The following PSMA1 variants were observed in gnomAD, a reference collection of about 807,000 sequenced individuals.
PSMA1 encodes proteasome subunit alpha type-1.
A neutral mutation model predicts 38.4 loss-of-function variants in PSMA1; 3 were observed. That is an observed-to-expected ratio of 0.08 (90% CI 0.04 to 0.20). PSMA1 has a LOEUF of 0.20. PSMA1 is among the 10% of genes least tolerant of loss of function. The pLI, the probability that PSMA1 is intolerant of heterozygous loss-of-function variation, is 1.00. For synonymous variants in PSMA1, 101 were observed against 107.1 expected, an observed-to-expected ratio of 0.94 and a Z score of 0.35; for missense variants, 227 against 325.3, an observed-to-expected ratio of 0.70 and a Z score of 2.32.
chr11:14,552,258 A>G (rs565436433), intron 2 of PSMA1, among the ~76,000 whole-genome samples: 1 of 152,328 alleles, frequency 6.6e-6, no homozygotes, highest in Admixed American at 6.5e-5. Context: ...CACAAAAGCC[A>G]CAGTCTCTAC....
chr11:14,543,009 C>T lies in PSMA1; in HGVS notation c.22-23968G>A, dbSNP rs1174483634. 2.6e-5 allele frequency among the ~76,000 whole-genome samples: 4 copies of T among 152,236 alleles called. No homozygotes were observed. The South Asian group carries it at 8.3e-4, about 32-fold the overall frequency. ...TAGCTGGGATTATAGGTGCCCGCCA[C>T]CACACCCAGCTAATTTTCACCCTGT... On this transcript the variant is annotated intron_variant, in intron 2 of 10. Transcript: ENST00000418988.
At chr11:14,520,513 A>G (rs1218088640), upstream of PSMA1, 16 of 1,425,408 alleles carry the variant, frequency 1.1e-5, no homozygotes, top group Non-Finnish European at 1.3e-5. Context: ...GAGCCTCGGA[A>G]GATCTAGGAA....
At position 14,567,811 on chromosome 11, in the gene PSMA1, T is replaced by C. The variant is rs150947236; in HGVS notation, c.21+43155A>G. 2.0e-5 allele frequency among the ~76,000 whole-genome samples: 3 copies of C among 152,328 alleles called. No individual in the cohort carries two copies. In the East Asian group the frequency reaches 5.8e-4, roughly 29 times the overall value. On this transcript the variant is annotated intron_variant, in intron 2 of 10. Transcript: ENST00000418988. Reference sequence around the variant, plus strand: ...TTTTTGGTGATTTTGCTCTTTACAATGATTCCTAATAATAGCGTTGCAGTG... The same window carrying C: ...TTTTTGGTGATTTTGCTCTTTACAACGATTCCTAATAATAGCGTTGCAGTG...
intron 2 of PSMA1, among the ~76,000 whole-genome samples, chr11:14,591,885 A>G (rs548614434): frequency 6.6e-6 from 1 of 152,176 alleles, no homozygotes; most frequent in South Asian, 2.1e-4. Flanking sequence ...CACACTGTGG[A>G]AGGTTTGTTC....
chr11:14,572,500 G>A (rs958919810), intron 2 of PSMA1, among the ~76,000 whole-genome samples: 3 of 152,182 alleles, frequency 2.0e-5, no homozygotes, highest in African/African-American at 7.2e-5. Flanking sequence ...GAAACTCTGG[G>A]ACACATTTAA....
intron 2 of PSMA1, among the ~76,000 whole-genome samples, chr11:14,527,039 G>A (rs1301753983): frequency 6.6e-6 from 1 of 152,088 alleles, no homozygotes; most frequent in African/African-American, 2.4e-5. Flanking sequence ...TCACCACGCT[G>A]TTATATGGGC....
At chr11:14,627,544 C>G (rs545333200) in intron 1 of PSMA1, among the ~76,000 whole-genome samples, 2 of 152,296 alleles carry the variant, frequency 1.3e-5, no homozygotes, top group African/African-American at 4.8e-5. Flanking sequence ...GGTTCAAATC[C>G]TGGCTCCACC....
chr11:14,584,013 C>T (rs756183956), intron 2 of PSMA1, among the ~76,000 whole-genome samples: 1 of 152,208 alleles, frequency 6.6e-6, no homozygotes, highest in Non-Finnish European at 1.5e-5. Context: ...GTCACAGCCC[C>T]CTGGACACAG....
chr11:14,612,844 T>C lies in PSMA1; in HGVS notation c.-165-1693A>G, dbSNP rs553342669. 2.8e-4 allele frequency among the ~76,000 whole-genome samples: 42 copies of C among 152,140 alleles called. No homozygotes were observed. In the South Asian group the frequency reaches 6.2e-3, roughly 23 times the overall value. On this transcript the variant is annotated intron_variant, in intron 1 of 10. Transcript: ENST00000418988. ...TTGAGGTCCAGTCCTCTTTAGACCATGTGCCTATACTTCCTTCCTTAGAAA... is the reference window on the plus strand; with the variant it reads ...TTGAGGTCCAGTCCTCTTTAGACCACGTGCCTATACTTCCTTCCTTAGAAA...
At chr11:14,537,543 AG>A (rs923236402) in intron 2 of PSMA1, among the ~76,000 whole-genome samples, 3 of 148,180 alleles carry the variant, frequency 2.0e-5, no homozygotes, top group African/African-American at 7.4e-5. Context: ...ACTTCCCTGC[AG>A]GGTTTTTTTT....
intron 1 of PSMA1, 87 bp from the exon 2 acceptor site, chr11:14,519,128 T>C: frequency 5.4e-6 from 6 of 1,113,114 alleles, no homozygotes; most frequent in Non-Finnish European, 8.1e-6. Context: ...TGCTTGTATT[T>C]CCATTCAATG....
chr11:14,617,804 G>C (rs184094205), intron 1 of PSMA1, among the ~76,000 whole-genome samples: 1 of 152,000 alleles, frequency 6.6e-6, no homozygotes, highest in East Asian at 1.9e-4. Flanking sequence ...TACTGAAACT[G>C]GAATCAGGAG....
chr11:14,543,914 C>G (rs1208608360), intron 2 of PSMA1, among the ~76,000 whole-genome samples: 1 of 152,206 alleles, frequency 6.6e-6, no homozygotes, highest in Non-Finnish European at 1.5e-5. Context: ...TTAAAGTGTT[C>G]TTATGCCAAA....
At chr11:14,547,922 G>A (rs1437725648) in intron 2 of PSMA1, among the ~76,000 whole-genome samples, 1 of 152,082 alleles carries the variant, frequency 6.6e-6, no homozygotes, top group Non-Finnish European at 1.5e-5. Flanking sequence ...ATGGGAGGAG[G>A]AGGGAGATGG....
intron 2 of PSMA1, among the ~76,000 whole-genome samples, chr11:14,586,062 A>G (rs1048185893): frequency 2.0e-5 from 3 of 152,228 alleles, no homozygotes; most frequent in African/African-American, 7.2e-5. Context: ...TCCATTTAGT[A>G]ACATTTTATT....
chr11:14,524,992 A>G (rs1379676697), upstream of PSMA1, among the ~76,000 whole-genome samples: 1 of 151,906 alleles, frequency 6.6e-6, no homozygotes, highest in South Asian at 2.1e-4. Context: ...CTGGACCATC[A>G]CACTTACAGT....
At chr11:14,639,750 C>T (rs1423440358) in intron 1 of PSMA1, among the ~76,000 whole-genome samples, 3 of 152,226 alleles carry the variant, frequency 2.0e-5, no homozygotes, top group African/African-American at 7.2e-5. Context: ...GATTTTTGCA[C>T]TGCTTGCTTC....
chr11:14,622,931 A>G (rs1852866817), intron 1 of PSMA1, among the ~76,000 whole-genome samples: 1 of 152,222 alleles, frequency 6.6e-6, no homozygotes, highest in South Asian at 2.1e-4. Context: ...GCATAGAATT[A>G]TATGTCTTTT....
At chr11:14,609,004 G>A (rs1852677369) in intron 2 of PSMA1, among the ~76,000 whole-genome samples, 1 of 152,178 alleles carries the variant, frequency 6.6e-6, no homozygotes, top group Admixed American at 6.5e-5. Flanking sequence ...GAAGGCAGAT[G>A]TGGTGTTCGT....
Sources: allele counts gnomAD v4.1 joint callset (sites outside exome capture counted in the v4.1 genomes callset), GRCh38; gene constraint gnomAD v4.1.1; transcripts MANE v1.5; gene names NCBI Gene and HGNC (gene_info 2026-07-23, HGNC 2026-07-21).